Variants in ALOX12B observed in about 807,000 individuals in gnomAD.
ALOX12B encodes the protein arachidonate 12-lipoxygenase, 12R type.
Under a neutral mutation model 78.9 loss-of-function variants are expected in ALOX12B, and 47 were observed. That is an observed-to-expected ratio of 0.60 (90% CI 0.47 to 0.76). The LOEUF is 0.76. Ranked by LOEUF, ALOX12B falls within the 30% of genes least tolerant of loss-of-function variation. The probability of loss-of-function intolerance (pLI) is 0.00; values close to 1 mark genes in which losing one functional copy is unlikely to be tolerated. For missense variants in ALOX12B, 805 were observed against 922.6 expected (o/e 0.87, Z 1.65); for synonymous variants, 370 against 374.5 (o/e 0.99, Z 0.14).
rs996858451 is a variant in ALOX12B at position 8,075,601 on chromosome 17, T to C, written c.1648A>G (p.Ser550Gly). Residue 550 changes from serine (S) to glycine (G), a missense_variant, in exon 12 of 15, where the codon AGC becomes GGC. Physicochemically the swap from Ser to Gly is moderately conservative, Grantham distance 56. Coordinates refer to ENST00000647874, the MANE Select transcript of ALOX12B (RefSeq NM_001139.3). Reference sequence around the variant, plus strand: ...CAGGTGTCCAGGCCCATACCTGAGCTCTCCCGCCCCAGGAGGCACTCTTTA... The same window carrying C: ...CAGGTGTCCAGGCCCATACCTGAGCCCTCCCGCCCCAGGAGGCACTCTTTA... ...IFKECLLGRE[S>G]SGFPRCLRTV... 6.2e-7 allele frequency: 1 copy of C among 1,613,876 alleles called. No individual in the cohort carries two copies. The highest frequency in any genetic ancestry group is 8.5e-7 in the Non-Finnish European group (1 of 1,179,968).
rs371937340 is a variant in ALOX12B, at chr17:8,080,274, T to C, written c.715A>G (p.Ile239Val). The C allele has an allele frequency of 5.4e-5, 87 of 1,614,182 alleles. No individual in the cohort carries two copies. The highest frequency in any genetic ancestry group is 3.3e-4 in the Middle Eastern group (2 of 6,060). The change falls in exon 6 of 15, where the codon ATT (isoleucine) becomes GTT (valine). Residue 239 changes from isoleucine to valine, a missense_variant. By Grantham distance (29) the Ile-to-Val change is conservative (BLOSUM62 3). Coordinates refer to ENST00000647874, the MANE Select transcript of ALOX12B (RefSeq NM_001139.3). The surrounding 1 kb of genome is among the most constrained non-coding windows in gnomAD (Gnocchi z 4.8). ...TTCTTGCCAGGGAAAATTTTCCTAA[T>C]GTCCTTCAGCCTCTTCCACGAATGT... ...CKHSWKRLKD[I>V]RKIFPGKKSV...
In ALOX12B at chr17:8,074,050, C is replaced by T. The variant is rs7219102; in HGVS notation, c.1655-293G>A. On this transcript the variant is annotated intron_variant, in intron 12 of 14. Transcript: ENST00000647874. ...TCCAGTTTCCCTGGGGATGCCGCTCCGGTCCCAGACCTGGGGATGTTGGGA... is the reference window on the plus strand; with the variant it reads ...TCCAGTTTCCCTGGGGATGCCGCTCTGGTCCCAGACCTGGGGATGTTGGGA... 0.85 allele frequency among the ~76,000 whole-genome samples: 129,748 copies of T among 152,174 alleles called. 55,677 individuals carry two copies. The highest frequency in any genetic ancestry group is 0.96 in the African/African-American group (39,697 of 41,534).
chr17:8,087,485 C>G lies in ALOX12B; in HGVS notation c.-43G>C. On this transcript the variant is annotated 5_prime_UTR_variant, in exon 1 of 15. Transcript: ENST00000647874. The stretch of plus-strand genomic sequence containing the variant: ...CAAGAGGGGCACTCAGTCCCAGACA[C>G]CGTGGAGGGGCCACACGAAGGCCCA... The G allele has an allele frequency of 6.2e-7, 1 of 1,613,434 alleles. No homozygotes were observed. The highest frequency in any genetic ancestry group is 1.1e-5 in the South Asian group (1 of 91,090).
Position 8,075,656 on chromosome 17 carries a change from C to G in ALOX12B, c.1593G>C (p.Pro531=), listed in dbSNP as rs149967531. ...TTTCCTGCACCCAAGACTGCAATTCCGGATCACCCTCCACGGCTGCGTCAC... is the reference window on the plus strand; with the variant it reads ...TTTCCTGCACCCAAGACTGCAATTCGGGATCACCCTCCACGGCTGCGTCAC... ...YPSDAAVEGD[P]ELQSWVQEIF... Residue 531 remains proline, a synonymous_variant, in exon 12 of 15, where the codon CCG becomes CCC. Transcript: ENST00000647874. The G allele has an allele frequency of 2.7e-5, 44 of 1,614,050 alleles. No individual in the cohort carries two copies. The highest frequency in any genetic ancestry group is 3.5e-5 in the Non-Finnish European group (41 of 1,180,042).
At chr17:8,084,518 AC>A (rs1978291620) in intron 2 of ALOX12B, among the ~76,000 whole-genome samples, 1 of 152,070 alleles carries the variant, frequency 6.6e-6, no homozygotes. Context: ...CTGCCTGGCC[AC>A]CAGCATCACC....
chr17:8,083,353 C>A (rs557126423), intron 2 of ALOX12B, among the ~76,000 whole-genome samples: 2 of 152,158 alleles, frequency 1.3e-5, no homozygotes, highest in African/African-American at 4.8e-5. Context: ...GAGAAACAGT[C>A]GCTATTATGT....
Position 8,075,676 on chromosome 17 carries a change from C to G in ALOX12B, c.1573G>C (p.Ala525Pro). 6.2e-7 allele frequency: 1 copy of G among 1,614,170 alleles called. No individual in the cohort carries two copies. Among genetic ancestry groups the G allele is most frequent in the Non-Finnish European group, 8.5e-7 (1 of 1,180,036 alleles). Residue 525 changes from alanine (A) to proline (P), a missense_variant, in exon 12 of 15, where the codon GCA becomes CCA. Transcript: ENST00000647874. Reference protein sequence around the residue: ...EIITYYYPSDAAVEGDPELQS... With the variant: ...EIITYYYPSDPAVEGDPELQS... ...AATTCCGGATCACCCTCCACGGCTGCGTCACTCGGGTAATAATAGGTGATG... is the reference window on the plus strand; with the variant it reads ...AATTCCGGATCACCCTCCACGGCTGGGTCACTCGGGTAATAATAGGTGATG...
intron 9 of ALOX12B, 21 bp from the exon 10 acceptor site, chr17:8,076,764 A>G: frequency 2.6e-6 from 4 of 1,548,224 alleles, no homozygotes; most frequent in Non-Finnish European, 8.7e-7. Flanking sequence ...AGCAAGGAGG[A>G]TGAAGAGAGA....
chr17:8,079,372 C>T lies in ALOX12B; in HGVS notation c.1071+24G>A, dbSNP rs1212243787. 2 of 1,551,120 alleles carry T rather than the reference C, an allele frequency of 1.3e-6. No individual in the cohort carries two copies. Among genetic ancestry groups the T allele is most frequent in the Non-Finnish European group, 1.7e-6 (2 of 1,147,670 alleles). On this transcript the variant is annotated intron_variant, in intron 8 of 14. Transcript: ENST00000647874. The surrounding 1 kb of genome is among the most constrained non-coding windows in gnomAD (Gnocchi z 6.4). ...ATTCGCGCACACAGAGGCTCAGCGG[C>T]AGCGCCGCCTGCAGCCCAGGCACCT...
chr17:8,081,272 AG>A (rs1230891165), intron 2 of ALOX12B, 85 bp from the exon 3 acceptor site: 1 of 1,427,546 alleles, frequency 7.0e-7, no homozygotes, highest in Non-Finnish European at 9.8e-7. Flanking sequence ...TCTGTGCCCC[AG>A]GTCGTCTCTG....
At chr17:8,078,780 C>G (rs1977142651) in intron 8 of ALOX12B, among the ~76,000 whole-genome samples, 1 of 151,764 alleles carries the variant, frequency 6.6e-6, no homozygotes. Flanking sequence ...TGCTCCCAGC[C>G]CATACCGGGC....
In ALOX12B at chr17:8,079,553, G is replaced by A. The variant is rs1028338766; in HGVS notation, c.928-14C>T. 8 of 1,549,802 alleles carry A rather than the reference G, an allele frequency of 5.2e-6. No homozygotes were observed. Among genetic ancestry groups the A allele is most frequent in the Non-Finnish European group, 7.0e-6 (8 of 1,146,576 alleles). ...AATGTTCCCCTTCTGGAGGGGAGCC[G>A]CGATGGGTGGCAAGTAGGCACCCAC... On this transcript the variant is annotated splice_polypyrimidine_tract_variant and intron_variant, in intron 7 of 14. Transcript: ENST00000647874. The surrounding 1 kb of genome is among the most constrained non-coding windows in gnomAD (Gnocchi z 6.4).
At chr17:8,074,425 A>G (rs1437362837) in intron 12 of ALOX12B, among the ~76,000 whole-genome samples, 2 of 151,644 alleles carry the variant, frequency 1.3e-5, no homozygotes, top group African/African-American at 4.8e-5. Context: ...CCAGTTGCAA[A>G]AGTCTGAAAC....
chr17:8,087,237 GACAC>G (rs573151221), intron 1 of ALOX12B, 55 bp downstream of exon 1: 262 of 870,854 alleles, frequency 3.0e-4, no homozygotes, highest in Middle Eastern at 1.3e-3. Flanking sequence ...GACACACACA[GACAC>G]ACACACACAC....
Position 8,073,148 on chromosome 17 carries a change from C to T in ALOX12B, c.1926G>A (p.Arg642=), listed in dbSNP as rs766208536. Residue 642 remains arginine (R), a splice_region_variant and synonymous_variant, in exon 14 of 15, where the codon AGG becomes AGA. Coordinates refer to ENST00000647874, the MANE Select transcript of ALOX12B (RefSeq NM_001139.3). ...LWTLSREPDD[R]RPLGHFPDIH... is the part of the protein sequence containing the mutation. ...CAGAGTCCCCCATCCCGTCTCGCAC[C>T]CTGTCGTCAGGCTCTCGGCTGAGGG... 5.0e-6 allele frequency: 8 copies of T among 1,614,008 alleles called. No homozygotes were observed. Among genetic ancestry groups the T allele is most frequent in the Non-Finnish European group, 5.9e-6 (7 of 1,180,048 alleles).
intron 13 of ALOX12B, 110 bp from the exon 14 acceptor site, chr17:8,073,428 T>G (rs1443797081): frequency 7.6e-5 from 98 of 1,287,454 alleles, no homozygotes; most frequent in Non-Finnish European, 2.1e-6. Context: ...TCCCCGCCCT[T>G]GGCGCTGAGG....
At chr17:8,074,051 G>T (rs1567980784) in intron 12 of ALOX12B, among the ~76,000 whole-genome samples, 2 of 152,146 alleles carry the variant, frequency 1.3e-5, no homozygotes, top group South Asian at 2.1e-4. Context: ...ATGCCGCTCC[G>T]GTCCCAGACC....
rs1198235309 is a variant in ALOX12B at position 8,075,530 on chromosome 17, G to C, written c.1654+65C>G. 3.7e-6 allele frequency: 6 copies of C among 1,611,138 alleles called. No individual in the cohort carries two copies. In the African/African-American group the frequency reaches 4.0e-5, roughly 11 times the overall value. On this transcript the variant is annotated intron_variant, in intron 12 of 14. Transcript: ENST00000647874. ...GATCCAGCCCAGGAGGGCCCTAGCA[G>C]ACCTGCCTGGGGGCTGCCCCTCAGT...
intron 12 of ALOX12B, among the ~76,000 whole-genome samples, chr17:8,074,250 G>C (rs1671616003): frequency 6.6e-6 from 1 of 152,018 alleles, no homozygotes; most frequent in East Asian, 1.9e-4. Context: ...CTGTTGTCCC[G>C]TGTGAACCTC....
Sources: allele counts gnomAD v4.1 joint callset (sites outside exome capture counted in the v4.1 genomes callset), GRCh38; gene constraint gnomAD v4.1.1; non-coding constraint Gnocchi (gnomAD v3.1); transcripts MANE v1.5; gene names NCBI Gene and HGNC (gene_info 2026-07-23, HGNC 2026-07-21).